Variants in SCN9A observed in about 807,000 individuals in gnomAD.
SCN9A encodes sodium channel protein type 9 subunit alpha.
In SCN9A, 131 loss-of-function variants were observed where a neutral mutation model predicts 187.0. The ratio of observed to expected loss-of-function variants is 0.70; its 90% CI spans 0.61 to 0.81. The LOEUF is 0.81. SCN9A is among the 30% of genes least tolerant of loss of function. The pLI is 0.00. For missense variants in SCN9A, 2,252 were observed against 2,396.6 expected, an observed-to-expected ratio of 0.94 and a Z score of 1.26; for synonymous variants, 809 against 808.6, an observed-to-expected ratio of 1.00 and a Z score of -0.01.
chr2:166,287,915 G>T (rs1697846223), intron 10 of SCN9A, among the ~76,000 whole-genome samples: 1 of 148,186 alleles, frequency 6.7e-6, no homozygotes, highest in South Asian at 2.1e-4. Context: ...GTATACAATT[G>T]GTACTCTGGG....
chr2:166,284,837 TA>T lies in SCN9A; in HGVS notation c.1603-14del. ...TGCTGAGTGGTGACTGCAGAAAAAT[TA>T]AAAAAAACGTGGTTGCTGAAGCACC... On this transcript the variant is annotated splice_polypyrimidine_tract_variant and intron_variant, in intron 11 of 26. Transcript: ENST00000642356. The T allele has an allele frequency of 4.4e-6, 7 of 1,578,786 alleles. No homozygotes were observed. Among genetic ancestry groups the T allele is most frequent in the South Asian group, 2.3e-5 (2 of 86,790 alleles).
intron 1 of SCN9A, among the ~76,000 whole-genome samples, chr2:166,320,147 CT>C (rs35080467): frequency 2.0e-5 from 3 of 151,728 alleles, no homozygotes; most frequent in Admixed American, 6.6e-5. Flanking sequence ...ATCAGAAAAA[CT>C]TTTTTTTAAA....
intron 1 of SCN9A, among the ~76,000 whole-genome samples, chr2:166,337,138 T>A (rs1408857321): frequency 6.6e-6 from 1 of 152,074 alleles, no homozygotes; most frequent in Non-Finnish European, 1.5e-5. Context: ...TATAGGTATG[T>A]GGTTACATTT....
At chr2:166,271,855 T>TC (rs1180762342) in intron 17 of SCN9A, among the ~76,000 whole-genome samples, 1 of 151,648 alleles carries the variant, frequency 6.6e-6, no homozygotes, top group East Asian at 1.9e-4. Context: ...GAGACCTGTC[T>TC]CCGTTTTTTA....
chr2:166,363,518 T>C (rs185460522), intron 1 of SCN9A, among the ~76,000 whole-genome samples: 23 of 152,126 alleles, frequency 1.5e-4, no homozygotes, highest in African/African-American at 2.2e-4. Flanking sequence ...TCAAAAGTTT[T>C]AATACTGGTA....
chr2:166,223,152 A>AAAGT (rs1694697504), intron 24 of SCN9A, among the ~76,000 whole-genome samples: 2 of 152,198 alleles, frequency 1.3e-5, no homozygotes, highest in Admixed American at 6.5e-5. Flanking sequence ...AAACAGTATG[A>AAAGT]AAGTTCCTGA....
intron 9 of SCN9A, among the ~76,000 whole-genome samples, chr2:166,291,299 C>T (rs974223508): frequency 6.6e-6 from 1 of 151,872 alleles, no homozygotes; most frequent in Admixed American, 6.6e-5. Flanking sequence ...AAGCAGAGAG[C>T]CAAATCATGA....
intron 1 of SCN9A, among the ~76,000 whole-genome samples, chr2:166,345,539 GA>G (rs952095610): frequency 3.3e-5 from 5 of 151,870 alleles, no homozygotes; most frequent in African/African-American, 4.8e-5. Context: ...AAAAAGTAGG[GA>G]AAAGGGGTTT....
At chr2:166,244,365 G>A (rs1227126130) in intron 18 of SCN9A, among the ~76,000 whole-genome samples, 1 of 151,994 alleles carries the variant, frequency 6.6e-6, no homozygotes, top group African/African-American at 2.4e-5. Flanking sequence ...ATGGTGTGCT[G>A]AAAGCAGACC....
intron 18 of SCN9A, among the ~76,000 whole-genome samples, chr2:166,242,923 C>T (rs1695632028): frequency 6.6e-6 from 1 of 152,002 alleles, no homozygotes; most frequent in Non-Finnish European, 1.5e-5. Context: ...CAGTCTCCTC[C>T]ACAGTCTTTA....
At position 166,342,560 on chromosome 2, in the gene SCN9A, TAG is replaced by T. The variant is rs1252035933; in HGVS notation, c.-50-30756_-50-30755del. Among the ~76,000 whole-genome samples the T allele has an allele frequency of 3.3e-5, 5 of 152,226 alleles. No individual in the cohort carries two copies. In the East Asian group the frequency reaches 5.8e-4, roughly 18 times the overall value. On this transcript the variant is annotated intron_variant, in intron 1 of 26. Transcript: ENST00000642356. ...AAAATTTTCTACCTCACGTTTAGAA[TAG>T]AGTCTCCAATTATTTTTGATCATCA...
Position 166,303,277 on chromosome 2 carries a change from C to G in SCN9A, c.714G>C (p.Leu238Phe). The change falls in exon 7 of 27, where the codon TTG becomes TTC. Residue 238 changes from leucine (L) to phenylalanine (F), a missense_variant. Around this residue, in one of 7 missense-constraint regions of SCN9A, gnomAD observed 1,013 missense variants for 997.4 expected, o/e 1.02. Coordinates refer to ENST00000642356, the MANE Select transcript of SCN9A (RefSeq NM_001365536.1). ...CAGAAAGCTTCTTCACTGACTGGAT[C>G]AAAGCCCCTACAATTGTCTTCAGGC... The part of the protein sequence containing the change: ...IPGLKTIVGA[L>F]IQSVKKLSDV... 6.2e-7 allele frequency: 1 copy of G among 1,613,404 alleles called. No homozygotes were observed. The highest frequency in any genetic ancestry group is 1.1e-5 in the South Asian group (1 of 90,994).
intron 1 of SCN9A, among the ~76,000 whole-genome samples, chr2:166,374,489 A>T (rs1700638748): frequency 6.6e-6 from 1 of 152,204 alleles, no homozygotes; most frequent in Admixed American, 6.5e-5. Context: ...ATTTTTAAAA[A>T]ATCTCACCAT....
chr2:166,368,507 C>A (rs1245223804), intron 1 of SCN9A, among the ~76,000 whole-genome samples: 1 of 152,082 alleles, frequency 6.6e-6, no homozygotes, highest in African/African-American at 2.4e-5. Flanking sequence ...GTGGTACATG[C>A]CTGTAATCCC....
chr2:166,212,692 C>T (rs1694150561), intron 24 of SCN9A, among the ~76,000 whole-genome samples: 1 of 152,174 alleles, frequency 6.6e-6, no homozygotes, highest in Non-Finnish European at 1.5e-5. Context: ...ACCATCTTTT[C>T]AAGTGCGCAC....
chr2:166,366,541 C>T lies in SCN9A; in HGVS notation c.-51+9156G>A, dbSNP rs548698515. ...TCAATTGCTGGATCATATGGTAGTTCTATTTTTAATTTTTTGAGGAACTTC... is the reference window on the plus strand; with the variant it reads ...TCAATTGCTGGATCATATGGTAGTTTTATTTTTAATTTTTTGAGGAACTTC... On this transcript the variant is annotated intron_variant, in intron 1 of 26. Transcript: ENST00000642356. Among the ~76,000 whole-genome samples, 6 of 152,252 alleles carry T rather than the reference C, an allele frequency of 3.9e-5. No individual in the cohort carries two copies. The South Asian group carries it at 1.2e-3, about 32-fold the overall frequency.
At chr2:166,262,602 T>C (rs931354299) in intron 17 of SCN9A, among the ~76,000 whole-genome samples, 5 of 151,972 alleles carry the variant, frequency 3.3e-5, no homozygotes, top group African/African-American at 1.2e-4. Flanking sequence ...ACAATTATAC[T>C]ACTACTCATT....
Position 166,322,652 on chromosome 2 carries a change from A to C in SCN9A, c.-50-10846T>G, listed in dbSNP as rs531188532. Among the ~76,000 whole-genome samples, 239 of 152,262 alleles carry C rather than the reference A, an allele frequency of 1.6e-3. 1 individual carries two copies. The highest frequency in any genetic ancestry group is 5.6e-3 in the African/African-American group (234 of 41,558). On this transcript the variant is annotated intron_variant, in intron 1 of 26. Transcript: ENST00000642356. ...ATTCCTTGCTTTGGATAATTTTATCATGCTTCCATAATTAAAATATATTAA... is the reference window on the plus strand; with the variant it reads ...ATTCCTTGCTTTGGATAATTTTATCCTGCTTCCATAATTAAAATATATTAA...
At chr2:166,332,432 T>C (rs1233003095) in intron 1 of SCN9A, among the ~76,000 whole-genome samples, 1 of 152,210 alleles carries the variant, frequency 6.6e-6, no homozygotes, top group Non-Finnish European at 1.5e-5. Context: ...AAATTACTTT[T>C]GGCTCACTTT....
Sources: gnomAD v4.1 joint callset for allele counts (sites outside exome capture counted in the v4.1 genomes callset) on GRCh38, gnomAD v4.1.1 for gene constraint, gnomAD v4.1.1 regional missense constraint, MANE v1.5 for transcripts, NCBI Gene and HGNC (gene_info 2026-07-23, HGNC 2026-07-21) for gene names.